Variants in CCDC88A observed in about 807,000 individuals in gnomAD.
The protein encoded by CCDC88A is girdin.
A neutral mutation model predicts 234.3 loss-of-function variants in CCDC88A; 54 were observed. The observed-to-expected ratio is 0.23, with a 90% CI of 0.19 to 0.29. CCDC88A has a LOEUF of 0.29. CCDC88A is among the 10% of genes least tolerant of loss of function. The probability of loss-of-function intolerance (pLI) is 1.00; values close to 1 mark genes in which losing one functional copy is unlikely to be tolerated. For synonymous variants in CCDC88A, 753 were observed against 737.8 expected (o/e 1.02, Z -0.33); for missense variants, 1,832 against 2,123.4 (o/e 0.86, Z 2.70).
At chr2:55,405,651 G>C (rs888213860) in intron 2 of CCDC88A, 1 of 152,214 alleles carries the variant, frequency 6.6e-6, no homozygotes, top group African/African-American at 2.4e-5. Flanking sequence ...ATTACCACCT[G>C]AGCTCTGCCT....
intron 10 of CCDC88A, 34 bp from the exon 11 acceptor site, chr2:55,344,548 G>A (rs1668865547): frequency 8.0e-7 from 1 of 1,249,188 alleles, no homozygotes. Flanking sequence ...GTTAATATCT[G>A]TTAATTTTTT....
intron 21 of CCDC88A, 73 bp from the exon 22 acceptor site, chr2:55,316,187 T>C (rs1682958215): frequency 5.2e-6 from 3 of 576,354 alleles, no homozygotes; most frequent in African/African-American, 1.9e-5. Context: ...CAATATGAAA[T>C]GATATAAATA....
chr2:55,415,976 A>T (rs1299719937), intron 2 of CCDC88A, among the ~76,000 whole-genome samples: 3 of 152,098 alleles, frequency 2.0e-5, no homozygotes, highest in Non-Finnish European at 4.4e-5. Context: ...CTAAAATTTC[A>T]AATGACTGGC....
Position 55,418,970 on chromosome 2 carries a change from G to C in CCDC88A, c.63+47C>G, listed in dbSNP as rs779147563. 8 of 1,595,232 alleles carry C rather than the reference G, an allele frequency of 5.0e-6. 1 individual carries two copies. In the South Asian group the frequency reaches 8.8e-5, roughly 18 times the overall value. On this transcript the variant is annotated intron_variant, in intron 1 of 32. Coordinates refer to ENST00000436346, the MANE Select transcript of CCDC88A (RefSeq NM_001365480.1). ...ATGAACGCCCACCTCCATCTCTGCA[G>C]CCACAAATAACTCAGCAAAATATAC...
In CCDC88A at chr2:55,372,470, TA is replaced by T; in HGVS notation, c.383del (p.Leu128TyrfsTer21). The T allele has an allele frequency of 6.6e-7, 1 of 1,521,796 alleles. No individual in the cohort carries two copies. Among genetic ancestry groups the T allele is most frequent in the Non-Finnish European group, 9.1e-7 (1 of 1,102,392 alleles). The allele number at this position is 1,521,796 out of a possible 1,614,324, so 94.3% of individuals were successfully genotyped here. On this transcript the variant is annotated frameshift_variant, in exon 5 of 33. Transcript: ENST00000436346. LOFTEE classifies it high-confidence loss of function. ...TEEVKKLLLLLLGCAVQCQKK... is the reference protein window; with the variant it reads ...TEEVKKLLLLXLGCAVQCQKK... ...AACTTACCTGAACTGCACAACCCAA[TA>T]AAAGTAAAAGCAGTTTTTTAACTTC... is the stretch of plus-strand genomic sequence containing the variant.
chr2:55,369,437 G>A (rs898690484), intron 5 of CCDC88A, among the ~76,000 whole-genome samples: 8 of 138,424 alleles, frequency 5.8e-5, no homozygotes, highest in African/African-American at 2.2e-4. Context: ...TGAATCCTAC[G>A]TTTCAACCAC....
intron 2 of CCDC88A, among the ~76,000 whole-genome samples, chr2:55,413,437 A>T (rs1278276819): frequency 6.6e-6 from 1 of 152,182 alleles, no homozygotes; most frequent in East Asian, 1.9e-4. Flanking sequence ...AAATGTAGGA[A>T]CTGTAATTTG....
chr2:55,374,705 T>C (rs958106338), intron 4 of CCDC88A, 109 bp downstream of exon 4: 60 of 593,302 alleles, frequency 1.0e-4, no homozygotes, highest in African/African-American at 9.7e-4. Flanking sequence ...ACGTCTACAG[T>C]TGTGAAAAAT....
At chr2:55,294,285 T>G (rs902959200) in intron 31 of CCDC88A, 1 of 974,324 alleles carries the variant, frequency 1.0e-6, no homozygotes, top group African/African-American at 1.8e-5. Context: ...GACAGTTACT[T>G]GAGCTCTTGT....
chr2:55,363,655 G>A (rs1671604192), intron 6 of CCDC88A: 1 of 224,810 alleles, frequency 4.4e-6, no homozygotes, highest in African/African-American at 2.3e-5. Context: ...ACTTTCTGCT[G>A]TTTCCATTTA....
chr2:55,334,521 C>G lies in CCDC88A; in HGVS notation c.2300G>C (p.Arg767Thr). 1 of 1,610,052 alleles carries G rather than the reference C, an allele frequency of 6.2e-7. No homozygotes were observed. Among genetic ancestry groups the G allele is most frequent in the Non-Finnish European group, 8.5e-7 (1 of 1,179,074 alleles). The change falls in exon 15 of 33, where the codon AGA (arginine) becomes ACA (threonine). Residue 767 changes from arginine (R) to threonine (T), a missense_variant. This residue lies in a region of CCDC88A where 1,282 missense variants were observed against 1,543.6 expected (regional missense o/e 0.83). Coordinates refer to ENST00000436346, the MANE Select transcript of CCDC88A (RefSeq NM_001365480.1). This position sits in a 1 kb window ranked among gnomAD's most constrained non-coding sequence, Gnocchi z 6.1. ...GCTGTTCTCTAAAGTTTTTTGCAGTCTTTGATTTTCTATATCTAAACCCTG... is the reference window on the plus strand; with the variant it reads ...GCTGTTCTCTAAAGTTTTTTGCAGTGTTTGATTTTCTATATCTAAACCCTG... Reference protein sequence around the residue: ...SYQGLDIENQRLQKTLENSNK... With the variant: ...SYQGLDIENQTLQKTLENSNK...
chr2:55,409,760 T>TTTTTTTC (rs1553439798), intron 2 of CCDC88A, among the ~76,000 whole-genome samples: 7 of 146,354 alleles, frequency 4.8e-5, no homozygotes, highest in African/African-American at 1.5e-4. Flanking sequence ...TTTTTTTTTT[T>TTTTTTTC]CAGACAGAGT....
chr2:55,398,433 C>A (rs934970692), intron 2 of CCDC88A, among the ~76,000 whole-genome samples: 1 of 152,160 alleles, frequency 6.6e-6, no homozygotes, highest in Admixed American at 6.6e-5. Context: ...TAAGCACTCT[C>A]GGCATGGATC....
chr2:55,403,546 T>G (rs1679076979), intron 2 of CCDC88A: 1 of 152,228 alleles, frequency 6.6e-6, no homozygotes, highest in African/African-American at 2.4e-5. Context: ...GTCAGCAGTT[T>G]TACTTACCTT....
rs753862609 is a variant in CCDC88A at position 55,355,771 on chromosome 2, C to T, written c.628-20G>A. 4 of 1,592,276 alleles carry T rather than the reference C, an allele frequency of 2.5e-6. No homozygotes were observed. The South Asian group carries it at 3.3e-5, about 13-fold the overall frequency. On this transcript the variant is annotated intron_variant, in intron 7 of 32. Transcript: ENST00000436346. Reference sequence around the variant, plus strand: ...GATAGTCTAGAAATACACACAGAATCACTTTCAGTATTCTACATATTAGCA... The same window carrying T: ...GATAGTCTAGAAATACACACAGAATTACTTTCAGTATTCTACATATTAGCA...
intron 5 of CCDC88A, among the ~76,000 whole-genome samples, chr2:55,369,000 T>G (rs1431194969): frequency 6.6e-6 from 1 of 152,182 alleles, no homozygotes; most frequent in Non-Finnish European, 1.5e-5. Flanking sequence ...CATTTTATAT[T>G]ATTAGTAGTA....
In CCDC88A at chr2:55,317,632, G is replaced by A. The variant is rs746987278; in HGVS notation, c.3534C>T (p.Ile1178=). The A allele has an allele frequency of 1.9e-6, 3 of 1,610,964 alleles. No homozygotes were observed. Among genetic ancestry groups the A allele is most frequent in the South Asian group, 1.1e-5 (1 of 90,750 alleles). Residue 1178 remains isoleucine (I), a synonymous_variant, in exon 20 of 33, where the codon ATC becomes ATT. Transcript: ENST00000436346. The surrounding 1 kb of genome is among the most constrained non-coding windows in gnomAD (Gnocchi z 4.2). ...CAGACTTCAGAGTTCCATGTTTAGA[G>A]ATAAGAGATTCATACTCTGAAGCCT... is the stretch of plus-strand genomic sequence containing the variant. The part of the protein sequence containing the change: ...ERQASEYESL[I]SKHGTLKSAH...
intron 3 of CCDC88A, among the ~76,000 whole-genome samples, chr2:55,383,711 AC>A (rs1382344952): frequency 1.3e-5 from 2 of 152,098 alleles, no homozygotes; most frequent in Non-Finnish European, 2.9e-5. Context: ...CATATGACAT[AC>A]AAAAAATTTA....
intron 2 of CCDC88A, among the ~76,000 whole-genome samples, chr2:55,394,814 TAA>T (rs70954115): frequency 0.51 from 76,057 of 150,118 alleles, 21,330 homozygotes; most frequent in Admixed American, 0.63. Context: ...ATAATAATAA[TAA>T]AAAAAAAAAG....
Sources: gnomAD v4.1 joint callset for allele counts (sites outside exome capture counted in the v4.1 genomes callset) on GRCh38, gnomAD v4.1.1 for gene constraint, gnomAD v4.1.1 regional missense constraint, Gnocchi (gnomAD v3.1) non-coding constraint, MANE v1.5 for transcripts, NCBI Gene and HGNC (gene_info 2026-07-23, HGNC 2026-07-21) for gene names.